Variants in DMD observed in about 807,000 individuals in gnomAD.
DMD encodes the protein mutant dystrophin.
In DMD, 63 loss-of-function variants were observed where a neutral mutation model predicts 330.1. That is an observed-to-expected ratio of 0.19 (90% CI 0.16 to 0.24). The LOEUF (loss-of-function observed/expected upper bound fraction) is 0.24, where lower values mean the gene tolerates loss of function less well. Ranked by LOEUF, DMD falls within the 10% of genes least tolerant of loss-of-function variation. The pLI is 1.00. For missense variants in DMD, 3,344 were observed against 2,684.1 expected, an observed-to-expected ratio of 1.25 and a Z score of -5.43; for synonymous variants, 1,223 against 959.8, an observed-to-expected ratio of 1.27 and a Z score of -5.07.
chrX:31,200,926 A>G (rs928373019), intron 67 of DMD, among the ~76,000 whole-genome samples: 3 of 111,945 alleles, frequency 2.7e-5, no homozygotes, highest in Non-Finnish European at 5.6e-5. Context: ...TTCTAATTAT[A>G]AATGTTCAAA....
chrX:31,557,811 T>C (rs138937583), intron 55 of DMD, among the ~76,000 whole-genome samples: 1,194 of 110,352 alleles, frequency 0.011, 6 homozygotes, highest in Non-Finnish European at 0.017. Context: ...GTTACATATG[T>C]ACACATAAAA....
Position 31,968,359 on chromosome X carries a change from C to A in DMD, c.6594G>T (p.Gln2198His). Residue 2198 changes from glutamine to histidine, a missense_variant, in exon 45 of 79, where the codon CAG becomes CAT. Transcript: ENST00000357033. ...CCTACCTCTTTTTTCTGTCTGACAG[C>A]TGTTTGCAGACCTCCTGCCACCGCA... ...LNLRWQEVCK[Q>H]LSDRKKRLEE... 1 of 1,210,555 alleles carries A rather than the reference C, an allele frequency of 8.3e-7. No homozygotes were observed. The highest frequency in any genetic ancestry group is 1.1e-6 in the Non-Finnish European group (1 of 894,711).
At chrX:32,152,473 G>C (rs1209996029) in intron 44 of DMD, among the ~76,000 whole-genome samples, 1 of 111,199 alleles carries the variant, frequency 9.0e-6, no homozygotes, top group African/African-American at 3.3e-5. Context: ...TTTTTAGAGA[G>C]AGTAAAAGCC....
chrX:32,820,735 ATTTG>A (rs1394781366), intron 5 of DMD, among the ~76,000 whole-genome samples: 2 of 111,833 alleles, frequency 1.8e-5, no homozygotes, highest in African/African-American at 6.5e-5. Flanking sequence ...TCTAGGAATT[ATTTG>A]TTACTATGCC....
chrX:32,999,927 T>C (rs996488438), intron 2 of DMD, among the ~76,000 whole-genome samples: 2 of 112,884 alleles, frequency 1.8e-5, no homozygotes, highest in Non-Finnish European at 3.7e-5. Flanking sequence ...CGTGTTGAGT[T>C]AAGGAAAAAA....
chrX:31,741,910 T>A (rs2087377038), intron 51 of DMD, among the ~76,000 whole-genome samples: 1 of 112,016 alleles, frequency 8.9e-6, no homozygotes, highest in South Asian at 3.7e-4. Context: ...TATTGCCACC[T>A]TTATTAACTT....
intron 49 of DMD, among the ~76,000 whole-genome samples, chrX:31,834,474 G>A (rs768128499): frequency 2.7e-5 from 3 of 111,537 alleles, no homozygotes; most frequent in Admixed American, 1.9e-4. Context: ...AGTTTCGCTC[G>A]TGTCGCCCAG....
intron 45 of DMD, among the ~76,000 whole-genome samples, chrX:31,959,864 G>T (rs761321827): frequency 9.7e-6 from 1 of 102,569 alleles, no homozygotes; most frequent in African/African-American, 3.6e-5. Context: ...TCCCGGGTTC[G>T]AGCAACTCTC....
At chrX:32,059,166 G>T (rs1211946280) in intron 44 of DMD, among the ~76,000 whole-genome samples, 2 of 110,923 alleles carry the variant, frequency 1.8e-5, no homozygotes, top group African/African-American at 6.5e-5. Flanking sequence ...ATAAAGATCT[G>T]CTATGCAACA....
intron 30 of DMD, among the ~76,000 whole-genome samples, chrX:32,396,890 G>A (rs999845479): frequency 4.5e-5 from 5 of 110,610 alleles, no homozygotes; most frequent in Non-Finnish European, 7.6e-5. Context: ...ACCTAACCTC[G>A]TCAGAACTGT....
chrX:32,299,692 T>A (rs1049741475), intron 42 of DMD, among the ~76,000 whole-genome samples: 1 of 111,105 alleles, frequency 9.0e-6, no homozygotes, highest in South Asian at 3.8e-4. Context: ...ACTTAACTGC[T>A]CAGGACCTCC....
At chrX:31,809,345 A>C (rs898135073) in intron 50 of DMD, among the ~76,000 whole-genome samples, 3 of 108,859 alleles carry the variant, frequency 2.8e-5, no homozygotes, top group African/African-American at 9.9e-5. Context: ...TAGTGATGTA[A>C]TTTAGTTCCT....
chrX:31,479,663 T>G (rs932384826), intron 57 of DMD, among the ~76,000 whole-genome samples: 1 of 112,286 alleles, frequency 8.9e-6, no homozygotes, highest in Non-Finnish European at 1.9e-5. Flanking sequence ...CATCATCCAT[T>G]GTGACCTCTT....
At chrX:32,950,231 T>C (rs958207172) in intron 2 of DMD, among the ~76,000 whole-genome samples, 2 of 111,289 alleles carry the variant, frequency 1.8e-5, no homozygotes. Context: ...ATCTAGGATC[T>C]ATTGAGCACT....
chrX:32,824,610 G>A (rs531531520), intron 4 of DMD, among the ~76,000 whole-genome samples: 1 of 111,581 alleles, frequency 9.0e-6, no homozygotes, highest in African/African-American at 3.2e-5. Flanking sequence ...AGTAAGATGT[G>A]GGGTAGCTGA....
Position 31,444,533 on chromosome X carries a change from G to C in DMD, c.9032C>G (p.Pro3011Arg). Residue 3011 changes from proline to arginine, a missense_variant, in exon 60 of 79, where the codon CCG becomes CGG. By Grantham distance (103) the Pro-to-Arg change is moderately radical. Transcript: ENST00000357033. ...QLTTLGIQLS[P>R]YNLSTLEDLN... ...GTCTTCCAGAGTGCTGAGGTTATAC[G>C]GTGAGAGCTGAATGCCCAAAGTGGT... is the stretch of plus-strand genomic sequence containing the variant. 1 of 1,211,599 alleles carries C rather than the reference G, an allele frequency of 8.3e-7. No individual in the cohort carries two copies. The highest frequency in any genetic ancestry group is 1.1e-6 in the Non-Finnish European group (1 of 895,417).
intron 47 of DMD, among the ~76,000 whole-genome samples, chrX:31,914,692 C>T (rs1168155787): frequency 2.7e-5 from 3 of 111,718 alleles, no homozygotes; most frequent in African/African-American, 9.8e-5. Flanking sequence ...CAATGGAACT[C>T]ATGGACATAG....
At chrX:32,336,169 CAT>C (rs755002942) in intron 41 of DMD, among the ~76,000 whole-genome samples, 96 of 109,335 alleles carry the variant, frequency 8.8e-4, no homozygotes, top group African/African-American at 2.5e-3. Context: ...GTGTGTATAA[CAT>C]GTGTATATAT....
chrX:32,076,699 A>G lies in DMD; in HGVS notation c.6439-108185T>C, dbSNP rs1000795100. 2.7e-5 allele frequency among the ~76,000 whole-genome samples: 3 copies of G among 111,571 alleles called. No homozygotes were observed. In the East Asian group the frequency reaches 8.4e-4, roughly 31 times the overall value. ...CGGCCCATAAGATTTCTTTAATAAG[A>G]GATGCAGCAAAGAACATTCTAGGAA... On this transcript the variant is annotated intron_variant, in intron 44 of 78. Coordinates refer to ENST00000357033, the MANE Select transcript of DMD (RefSeq NM_004006.3).
Sources: gnomAD v4.1 joint callset for allele counts (sites outside exome capture counted in the v4.1 genomes callset) on GRCh38, gnomAD v4.1.1 for gene constraint, MANE v1.5 for transcripts, NCBI Gene and HGNC (gene_info 2026-07-23, HGNC 2026-07-21) for gene names.